Variants in KCTD16 observed in about 807,000 individuals in gnomAD.
KCTD16 encodes potassium channel tetramerization domain containing 16.
In KCTD16, 13 loss-of-function variants were observed where a neutral mutation model predicts 33.2. The ratio of observed to expected loss-of-function variants is 0.39; its 90% CI spans 0.25 to 0.62. The LOEUF (loss-of-function observed/expected upper bound fraction) is 0.62. KCTD16 is among the 20% of genes least tolerant of loss of function. KCTD16 has a pLI of 0.50. For missense variants in KCTD16, 441 were observed against 525.1 expected (o/e 0.84, Z 1.57); for synonymous variants, 197 against 195.3 (o/e 1.01, Z -0.07).
chr5:144,329,015 G>A (rs994646406), intron 3 of KCTD16, among the ~76,000 whole-genome samples: 1 of 151,990 alleles, frequency 6.6e-6, no homozygotes, highest in African/African-American at 2.4e-5. Flanking sequence ...TATATCCCAG[G>A]CTTGAGACTC....
chr5:144,292,224 C>T (rs1755913536), intron 3 of KCTD16, among the ~76,000 whole-genome samples: 1 of 152,186 alleles, frequency 6.6e-6, no homozygotes, highest in Non-Finnish European at 1.5e-5. Context: ...TTCCTGCAAA[C>T]CCAGTTCAGG....
intron 3 of KCTD16, among the ~76,000 whole-genome samples, chr5:144,261,771 T>C (rs1755018559): frequency 6.6e-6 from 1 of 152,226 alleles, no homozygotes. Flanking sequence ...ACAGTGAGTC[T>C]TTCACCAGTT....
At chr5:144,393,958 T>C (rs1049440128) in intron 3 of KCTD16, among the ~76,000 whole-genome samples, 3 of 147,108 alleles carry the variant, frequency 2.0e-5, no homozygotes, top group African/African-American at 7.7e-5. Context: ...TTTTCTTTCT[T>C]TTTTCTTTTT....
At position 144,181,984 on chromosome 5, in the gene KCTD16, C is replaced by T. The variant is rs183458916; in HGVS notation, c.-327+7512C>T. ...TGGCACGTGCCTGTAATTCCAGCTA[C>T]TTGGGAGGCTGAGTAGCTTGAACCT... is the stretch of plus-strand genomic sequence containing the variant. On this transcript the variant is annotated intron_variant, in intron 2 of 3. Coordinates refer to ENST00000512467, the MANE Select transcript of KCTD16 (RefSeq NM_020768.4). Among the ~76,000 whole-genome samples the T allele has an allele frequency of 2.7e-3, 414 of 151,632 alleles. 5 individuals are homozygous for T. Among genetic ancestry groups the T allele is most frequent in the African/African-American group, 8.8e-3 (365 of 41,280 alleles).
At chr5:144,442,096 A>T (rs893063282) in intron 3 of KCTD16, among the ~76,000 whole-genome samples, 4 of 152,126 alleles carry the variant, frequency 2.6e-5, no homozygotes, top group African/African-American at 9.7e-5. Flanking sequence ...TTCCTGATAG[A>T]TTGATCCTTT....
intron 3 of KCTD16, among the ~76,000 whole-genome samples, chr5:144,434,536 C>T (rs560492585): frequency 3.9e-5 from 6 of 152,206 alleles, no homozygotes; most frequent in African/African-American, 1.4e-4. Context: ...TGTGCTTCAT[C>T]TCATTTATTA....
Position 144,285,902 on chromosome 5 carries a change from G to A in KCTD16, c.832+78356G>A, listed in dbSNP as rs142851505. On this transcript the variant is annotated intron_variant, in intron 3 of 3. Transcript: ENST00000512467. The stretch of plus-strand genomic sequence containing the variant: ...AATTCTAAGATGCACAGAATTTTTC[G>A]TTTCAACCACAGGCCTGAGTCTTTG... Among the ~76,000 whole-genome samples, 312 of 147,084 alleles carry A rather than the reference G, an allele frequency of 2.1e-3. 1 individual carries two copies. The highest frequency in any genetic ancestry group is 3.7e-3 in the Middle Eastern group (1 of 270).
At chr5:144,339,858 T>C (rs1302198428) in intron 3 of KCTD16, among the ~76,000 whole-genome samples, 1 of 152,212 alleles carries the variant, frequency 6.6e-6, no homozygotes, top group Non-Finnish European at 1.5e-5. Flanking sequence ...ACATTTGTGA[T>C]CCAGGACCAG....
intron 3 of KCTD16, among the ~76,000 whole-genome samples, chr5:144,250,706 A>T (rs1561543031): frequency 6.6e-6 from 1 of 152,096 alleles, no homozygotes. Flanking sequence ...TCTACCACTT[A>T]TTAGTCAGAG....
At chr5:144,251,362 T>C (rs891322279) in intron 3 of KCTD16, among the ~76,000 whole-genome samples, 1 of 152,188 alleles carries the variant, frequency 6.6e-6, no homozygotes, top group Non-Finnish European at 1.5e-5. Flanking sequence ...CTGCCTCAGT[T>C]TCCTCATTTA....
chr5:144,403,606 C>T (rs866147896), intron 3 of KCTD16, among the ~76,000 whole-genome samples: 11 of 152,184 alleles, frequency 7.2e-5, no homozygotes, highest in South Asian at 2.1e-4. Flanking sequence ...TTGTCGATTT[C>T]TGGCCTCTGG....
intron 3 of KCTD16, among the ~76,000 whole-genome samples, chr5:144,282,228 G>A (rs1329224189): frequency 6.6e-6 from 1 of 152,114 alleles, no homozygotes; most frequent in East Asian, 1.9e-4. Context: ...TTATGTCTAT[G>A]TAATGGAGCC....
intron 3 of KCTD16, among the ~76,000 whole-genome samples, chr5:144,395,625 A>G (rs1387872814): frequency 2.6e-5 from 4 of 152,166 alleles, no homozygotes; most frequent in Admixed American, 1.3e-4. Flanking sequence ...GCTTACAGCC[A>G]TATGTTTCAG....
intron 3 of KCTD16, among the ~76,000 whole-genome samples, chr5:144,240,551 T>C (rs1275927076): frequency 6.6e-6 from 1 of 152,164 alleles, no homozygotes; most frequent in African/African-American, 2.4e-5. Flanking sequence ...CTCAGTATAA[T>C]ACATTAGCTA....
intron 3 of KCTD16, among the ~76,000 whole-genome samples, chr5:144,317,338 T>A (rs1029040688): frequency 6.6e-6 from 1 of 152,196 alleles, no homozygotes; most frequent in Non-Finnish European, 1.5e-5. Context: ...TTATTTTCAC[T>A]GGTTTTATCA....
intron 3 of KCTD16, among the ~76,000 whole-genome samples, chr5:144,279,024 A>G (rs1371616609): frequency 6.6e-6 from 1 of 152,226 alleles, no homozygotes; most frequent in African/African-American, 2.4e-5. Flanking sequence ...AAGATTTTGT[A>G]CATATTTTGT....
intron 3 of KCTD16, among the ~76,000 whole-genome samples, chr5:144,463,281 G>A (rs955868125): frequency 6.6e-6 from 1 of 152,144 alleles, no homozygotes; most frequent in Non-Finnish European, 1.5e-5. Flanking sequence ...TTGAAAAAAA[G>A]CAGAAGAAAC....
At chr5:144,401,178 T>C (rs1752695546) in intron 3 of KCTD16, among the ~76,000 whole-genome samples, 1 of 152,206 alleles carries the variant, frequency 6.6e-6, no homozygotes, top group South Asian at 2.1e-4. Flanking sequence ...CACATTCACA[T>C]TCCTGCCAAG....
At chr5:144,392,992 T>C (rs1752484536) in intron 3 of KCTD16, among the ~76,000 whole-genome samples, 1 of 152,190 alleles carries the variant, frequency 6.6e-6, no homozygotes, top group Non-Finnish European at 1.5e-5. Flanking sequence ...TTATATTAAT[T>C]GATACTGTGC....
Sources: gnomAD v4.1 joint callset for allele counts (sites outside exome capture counted in the v4.1 genomes callset) on GRCh38, gnomAD v4.1.1 for gene constraint, MANE v1.5 for transcripts, NCBI Gene and HGNC (gene_info 2026-07-23, HGNC 2026-07-21) for gene names.